WDSUB1: variants seen among roughly 807,000 people sequenced by gnomAD.
WDSUB1 encodes WD repeat, SAM and U-box domain-containing protein 1.
WDSUB1 carries 49 observed loss-of-function variants against 53.9 expected under a neutral mutation model. That is an observed-to-expected ratio of 0.91 (90% confidence interval 0.72 to 1.15). WDSUB1 has a LOEUF of 1.15. Among genes scored for constraint, WDSUB1 ranks in the 50% most tolerant of loss-of-function variants. The probability of loss-of-function intolerance (pLI) is 0.00; values close to 1 mark genes in which losing one functional copy is unlikely to be tolerated. For synonymous variants in WDSUB1, 194 were observed against 200.6 expected (o/e 0.97, Z 0.28); for missense variants, 514 against 562.0 (o/e 0.91, Z 0.86).
At chr2:159,258,129 T>A in intron 6 of WDSUB1, 144 bp from the exon 7 acceptor site, 2 of 711,726 alleles carry the variant, frequency 2.8e-6, no homozygotes, top group Non-Finnish European at 4.8e-6. Context: ...CTTTACTCAA[T>A]GAATAGCAGA....
At chr2:159,286,087 G>T (rs1260448379) in intron 1 of WDSUB1, among the ~76,000 whole-genome samples, 1 of 152,174 alleles carries the variant, frequency 6.6e-6, no homozygotes, top group African/African-American at 2.4e-5. Context: ...CTGCCTTGGG[G>T]TAGGGGGGGC....
chr2:159,238,408 C>T (rs1013164942), intron 10 of WDSUB1, among the ~76,000 whole-genome samples: 8 of 152,122 alleles, frequency 5.3e-5, no homozygotes, highest in African/African-American at 4.8e-5. Context: ...CATCAGCTTC[C>T]GGAATAGCTG....
At position 159,275,625 on chromosome 2, in the gene WDSUB1, A is replaced by C. The variant is rs1558874367; in HGVS notation, c.597T>G (p.Gly199=). 6.3e-7 allele frequency: 1 copy of C among 1,597,806 alleles called. No homozygotes were observed. Among genetic ancestry groups the C allele is most frequent in the Non-Finnish European group, 8.5e-7 (1 of 1,175,928 alleles). The part of the protein sequence containing the change: ...SSQPVSDGEQ[G]LQFFRLASCG... ...ATGATGCCAGTCGAAAAAACTGAAG[A>C]CCTTGTTCTCCATCTAAAATTTATT... is the stretch of plus-strand genomic sequence containing the variant. The change falls in exon 4 of 11, where the codon GGT becomes GGG. Residue 199 remains glycine (G), a synonymous_variant. Transcript: ENST00000359774.
At chr2:159,238,857 A>G (rs2060561291) in intron 10 of WDSUB1, among the ~76,000 whole-genome samples, 1 of 134,642 alleles carries the variant, frequency 7.4e-6, no homozygotes, top group East Asian at 2.6e-4. Context: ...TGTCAACCCT[A>G]TGAAATGGAG....
In WDSUB1 at chr2:159,275,611, C is replaced by G; in HGVS notation, c.611G>C (p.Arg204Pro). The change falls in exon 4 of 11, where the codon CGA becomes CCA. Residue 204 changes from arginine (R) to proline (P), a missense_variant. Physicochemically the swap from Arg to Pro is moderately radical, Grantham distance 103. Transcript: ENST00000359774. ...SDGEQGLQFF[R>P]LASCGQDCQV... Reference sequence around the variant, plus strand: ...GCAATCCTGACCACATGATGCCAGTCGAAAAAACTGAAGACCTTGTTCTCC... The same window carrying G: ...GCAATCCTGACCACATGATGCCAGTGGAAAAAACTGAAGACCTTGTTCTCC... The G allele has an allele frequency of 6.2e-7, 1 of 1,602,670 alleles. No individual in the cohort carries two copies. The highest frequency in any genetic ancestry group is 8.5e-7 in the Non-Finnish European group (1 of 1,176,592).
intron 3 of WDSUB1, among the ~76,000 whole-genome samples, chr2:159,276,861 C>T (rs932738742): frequency 9.2e-5 from 14 of 151,970 alleles, no homozygotes; most frequent in African/African-American, 3.4e-4. Context: ...TTAAATTAGC[C>T]GGGTGTGGTG....
rs537855993 is a variant in WDSUB1 at position 159,281,699 on chromosome 2, C to A, written c.398+973G>T. Among the ~76,000 whole-genome samples, 3 of 152,276 alleles carry A rather than the reference C, an allele frequency of 2.0e-5. No individual in the cohort carries two copies. The South Asian group carries it at 6.2e-4, about 32-fold the overall frequency. Reference sequence around the variant, plus strand: ...AGCTTTACATACTATGGGCCGGGCGCAGTGGCTCATACCTGTAATCCCAGC... The same window carrying A: ...AGCTTTACATACTATGGGCCGGGCGAAGTGGCTCATACCTGTAATCCCAGC... On this transcript the variant is annotated intron_variant, in intron 2 of 10. Coordinates refer to ENST00000359774, the MANE Select transcript of WDSUB1 (RefSeq NM_001128212.3).
intron 3 of WDSUB1, among the ~76,000 whole-genome samples, chr2:159,277,913 A>T (rs2061576601): frequency 6.6e-6 from 1 of 152,168 alleles, no homozygotes; most frequent in Non-Finnish European, 1.5e-5. Context: ...TATGTTCTAA[A>T]GGCAGGGTGG....
intron 5 of WDSUB1, among the ~76,000 whole-genome samples, chr2:159,261,888 ATATATATATTTTTTTTTTTTTTT>A (rs2061226836): frequency 2.1e-4 from 3 of 14,266 alleles, no homozygotes; most frequent in African/African-American, 3.9e-4. Context: ...ATATATATAT[ATATATATATTTTTTTTTTTTTTT>A]TTTTTTTTTT....
At chr2:159,261,609 A>AAC (rs1309560697) in intron 5 of WDSUB1, among the ~76,000 whole-genome samples, 1 of 151,872 alleles carries the variant, frequency 6.6e-6, no homozygotes, top group African/African-American at 2.4e-5. Context: ...GCATCCTTAA[A>AAC]ACACACACAC....
chr2:159,246,528 G>A (rs2060801332), intron 10 of WDSUB1, among the ~76,000 whole-genome samples: 1 of 152,020 alleles, frequency 6.6e-6, no homozygotes, highest in Non-Finnish European at 1.5e-5. Context: ...GAGAGGATGT[G>A]GAGAAACTGG....
At chr2:159,243,115 C>A (rs949545239) in intron 10 of WDSUB1, among the ~76,000 whole-genome samples, 5 of 147,538 alleles carry the variant, frequency 3.4e-5, no homozygotes, top group Non-Finnish European at 7.4e-5. Context: ...TAAAAAAATT[C>A]AACTGTATGT....
chr2:159,274,357 A>G (rs2151135269), intron 4 of WDSUB1, among the ~76,000 whole-genome samples: 1 of 152,224 alleles, frequency 6.6e-6, no homozygotes, highest in East Asian at 1.9e-4. Context: ...TTTAAAAATT[A>G]GCCAGGGCAA....
intron 4 of WDSUB1, among the ~76,000 whole-genome samples, chr2:159,275,104 A>C (rs2061513574): frequency 6.6e-6 from 1 of 152,258 alleles, no homozygotes. Flanking sequence ...AGATGAATTA[A>C]AGAAATAACA....
At chr2:159,253,111 A>T (rs1301011866) in intron 9 of WDSUB1, among the ~76,000 whole-genome samples, 2 of 152,182 alleles carry the variant, frequency 1.3e-5, no homozygotes, top group Admixed American at 1.3e-4. Context: ...TTAGTAGTAG[A>T]CTCAACTCGT....
At chr2:159,262,070 T>C (rs74987330) in intron 5 of WDSUB1, among the ~76,000 whole-genome samples, 8,152 of 151,170 alleles carry the variant, frequency 0.054, 375 homozygotes, top group East Asian at 0.24. Context: ...ATGCTAAGCT[T>C]ACAAAGAAAA....
chr2:159,275,418 TA>T, intron 4 of WDSUB1, 127 bp downstream of exon 4: 10 of 710,276 alleles, frequency 1.4e-5, no homozygotes, highest in Non-Finnish European at 1.8e-5. Context: ...TTATTTTGAC[TA>T]AAAGTTTCTT....
chr2:159,277,175 C>G (rs528996342), intron 3 of WDSUB1, among the ~76,000 whole-genome samples: 1 of 152,286 alleles, frequency 6.6e-6, no homozygotes, highest in South Asian at 2.1e-4. Flanking sequence ...TTCCATTTCA[C>G]TGAAAGCTTT....
At chr2:159,249,649 A>G (rs1295031715) in intron 9 of WDSUB1, among the ~76,000 whole-genome samples, 1 of 152,130 alleles carries the variant, frequency 6.6e-6, no homozygotes, top group African/African-American at 2.4e-5. Context: ...TTTCCTGACT[A>G]CTATAATGTC....
Sources: allele counts gnomAD v4.1 joint callset (sites outside exome capture counted in the v4.1 genomes callset), GRCh38; gene constraint gnomAD v4.1.1; transcripts MANE v1.5; gene names NCBI Gene and HGNC (gene_info 2026-07-23, HGNC 2026-07-21).